Variants in MYO7A observed in about 807,000 individuals in gnomAD.
MYO7A encodes myosin VIIA.
In MYO7A, 210 loss-of-function variants were observed where a neutral mutation model predicts 263.8. That is an observed-to-expected ratio of 0.80 (90% CI 0.71 to 0.89). The LOEUF is 0.89. Ranked by LOEUF, MYO7A falls within the 40% of genes least tolerant of loss-of-function variation. MYO7A has a pLI of 0.00. For synonymous variants in MYO7A, 1,239 were observed against 1,197.3 expected (o/e 1.03, Z -0.72); for missense variants, 2,820 against 2,968.3 (o/e 0.95, Z 1.16).
intron 27 of MYO7A, 190 bp downstream of exon 27, chr11:77,184,905 G>C: frequency 1.0e-6 from 1 of 1,004,350 alleles, no homozygotes; most frequent in South Asian, 1.4e-5. Flanking sequence ...TCTGTAAAGG[G>C]GGAATCCTAA....
intron 4 of MYO7A, among the ~76,000 whole-genome samples, chr11:77,149,843 TTCCAGA>T (rs1329159864): frequency 3.3e-5 from 5 of 152,154 alleles, no homozygotes; most frequent in Non-Finnish European, 7.4e-5. Context: ...TGGGGGGCTC[TTCCAGA>T]TGTCATCAGC....
At chr11:77,173,663 C>T (rs1000246671) in intron 16 of MYO7A, among the ~76,000 whole-genome samples, 1 of 152,228 alleles carries the variant, frequency 6.6e-6, no homozygotes, top group South Asian at 2.1e-4. Context: ...AAGCTGGGGC[C>T]TCGGGATCTG....
chr11:77,196,184 T>C (rs995910579), intron 32 of MYO7A, among the ~76,000 whole-genome samples: 2 of 152,196 alleles, frequency 1.3e-5, no homozygotes, highest in Non-Finnish European at 2.9e-5. Context: ...CTGGCCAACA[T>C]GGCAAAACCC....
chr11:77,177,661 C>T lies in MYO7A; in HGVS notation c.2282+18C>T. On this transcript the variant is annotated intron_variant, in intron 19 of 48. Coordinates refer to ENST00000409709, the MANE Select transcript of MYO7A (RefSeq NM_000260.4). ...AAAGACAGGTGCGTGTTCCCACCAG[C>T]TCCTCCCCTCCTCAGCCCACATACA... 1 of 1,580,968 alleles carries T rather than the reference C, an allele frequency of 6.3e-7. No individual in the cohort carries two copies. Among genetic ancestry groups the T allele is most frequent in the South Asian group, 1.1e-5 (1 of 87,256 alleles).
rs782181360 is a variant in MYO7A at position 77,138,959 on chromosome 11, C to T, written c.19-3750C>T. Among the ~76,000 whole-genome samples the T allele has an allele frequency of 2.2e-4, 33 of 152,242 alleles. No homozygotes were observed. The highest frequency in any genetic ancestry group is 7.9e-4 in the Admixed American group (12 of 15,286). ...TTTTCACTCCACAAACAGGGACTGGCCCCAGGCCTGGTCCCAGAGGAAGGA... is the reference window on the plus strand; with the variant it reads ...TTTTCACTCCACAAACAGGGACTGGTCCCAGGCCTGGTCCCAGAGGAAGGA... On this transcript the variant is annotated intron_variant, in intron 2 of 48. Transcript: ENST00000409709. The surrounding 1 kb of genome is among the most constrained non-coding windows in gnomAD (Gnocchi z 4.9).
intron 18 of MYO7A, among the ~76,000 whole-genome samples, chr11:77,177,129 G>A (rs2076969): frequency 0.45 from 68,719 of 151,956 alleles, 15,896 homozygotes; most frequent in Non-Finnish European, 0.47. Context: ...AGGGAGCCAG[G>A]AGGCCGCGAG....
chr11:77,162,307 G>A lies in MYO7A; in HGVS notation c.1531G>A (p.Asp511Asn), dbSNP rs1953076786. ...GCCCATGAACATCATCTCCCTCATCGATGAGGAGAGCAAGTTCCCCAAGGT... is the reference window on the plus strand; with the variant it reads ...GCCCATGAACATCATCTCCCTCATCAATGAGGAGAGCAAGTTCCCCAAGGT... The part of the protein sequence containing the change: ...NKPMNIISLI[D>N]EESKFPKGTD... The change falls in exon 13 of 49, where the codon GAT (aspartate) becomes AAT (asparagine). Residue 511 changes from aspartate (D) to asparagine (N), a missense_variant. By Grantham distance (23) the Asp-to-Asn change is conservative. Coordinates refer to ENST00000409709, the MANE Select transcript of MYO7A (RefSeq NM_000260.4). 3.9e-6 allele frequency: 6 copies of A among 1,551,846 alleles called. No individual in the cohort carries two copies. Among genetic ancestry groups the A allele is most frequent in the East Asian group, 2.4e-5 (1 of 40,926 alleles).
intron 46 of MYO7A, chr11:77,212,595 G>A (rs1031298114): frequency 1.9e-4 from 73 of 382,534 alleles, no homozygotes; most frequent in Middle Eastern, 1.7e-3. Context: ...GAGAGGATAC[G>A]TATGGTCTTA....
In MYO7A at chr11:77,166,261, G is replaced by A; in HGVS notation, c.1797+99G>A. ...TCCAACAGCTTCAGCTGAGCCCCCT[G>A]GCCACATAATGGGTATGGAGCTTTG... is the stretch of plus-strand genomic sequence containing the variant. On this transcript the variant is annotated intron_variant, in intron 15 of 48. Transcript: ENST00000409709. The A allele has an allele frequency of 1.2e-5, 12 of 1,038,084 alleles. No homozygotes were observed. The South Asian group carries it at 1.5e-4, about 13-fold the overall frequency. The allele number at this position is 1,038,084 out of a possible 1,614,324, so 64.3% of individuals were successfully genotyped here.
chr11:77,157,477 C>T (rs1555064521), intron 8 of MYO7A, 85 bp downstream of exon 8: 4 of 896,672 alleles, frequency 4.5e-6, no homozygotes, highest in Non-Finnish European at 6.9e-6. Flanking sequence ...GCCTTGAGGT[C>T]TCACTGGTCA....
At chr11:77,196,812 A>G (rs1320867567) in intron 32 of MYO7A, among the ~76,000 whole-genome samples, 1 of 152,034 alleles carries the variant, frequency 6.6e-6, no homozygotes, top group Non-Finnish European at 1.5e-5. Flanking sequence ...TTCTATAAAA[A>G]CCAGGATTTC....
intron 4 of MYO7A, among the ~76,000 whole-genome samples, chr11:77,152,258 C>T (rs1054583599): frequency 6.6e-6 from 1 of 152,244 alleles, no homozygotes; most frequent in Non-Finnish European, 1.5e-5. Context: ...TAGCATCCCT[C>T]CCACGCTGTT....
intron 31 of MYO7A, among the ~76,000 whole-genome samples, chr11:77,193,565 T>G (rs569113264): frequency 6.6e-6 from 1 of 152,148 alleles, no homozygotes; most frequent in East Asian, 1.9e-4. Context: ...GTGGTAGTTT[T>G]GTTGGTGATA....
intron 44 of MYO7A, among the ~76,000 whole-genome samples, chr11:77,210,632 G>C (rs1222375270): frequency 6.6e-6 from 1 of 152,198 alleles, no homozygotes; most frequent in East Asian, 1.9e-4. Context: ...CCCTTCAGAG[G>C]CTTCATCTCT....
In MYO7A at chr11:77,146,571, G is replaced by T. The variant is rs190160675; in HGVS notation, c.133-1227G>T. ...TGACCTGTTGGACTGGGGTGGTGGT[G>T]GGGGGAGCTGATGTCCAGATTCCTG... On this transcript the variant is annotated intron_variant, in intron 3 of 48. Coordinates refer to ENST00000409709, the MANE Select transcript of MYO7A (RefSeq NM_000260.4). 4.1e-4 allele frequency among the ~76,000 whole-genome samples: 63 copies of T among 152,240 alleles called. No individual in the cohort carries two copies. The East Asian group carries it at 7.7e-3, about 19-fold the overall frequency.
At chr11:77,195,239 C>T (rs994911521) in intron 32 of MYO7A, among the ~76,000 whole-genome samples, 1 of 152,168 alleles carries the variant, frequency 6.6e-6, no homozygotes, top group African/African-American at 2.4e-5. Context: ...GGTCAGCTCC[C>T]CGCCAGCCTC....
At chr11:77,214,092 G>T in intron 48 of MYO7A, 113 bp downstream of exon 48, 1 of 1,457,054 alleles carries the variant, frequency 6.9e-7, no homozygotes, top group Non-Finnish European at 9.4e-7. Context: ...GGGGTCGTGG[G>T]CAAGGGTCAT....
chr11:77,173,984 C>CAAT (rs1359342448), intron 16 of MYO7A, among the ~76,000 whole-genome samples: 1 of 152,014 alleles, frequency 6.6e-6, no homozygotes, highest in Non-Finnish European at 1.5e-5. Flanking sequence ...TGGGCCTTGG[C>CAAT]AATAGCCTCC....
intron 34 of MYO7A, among the ~76,000 whole-genome samples, 161 bp downstream of exon 34, chr11:77,198,782 A>G (rs1591455817): frequency 6.6e-6 from 1 of 152,144 alleles, no homozygotes; most frequent in Non-Finnish European, 1.5e-5. Flanking sequence ...GGCACCTCCT[A>G]GTGGAGGGAT....
Sources: allele counts gnomAD v4.1 joint callset (sites outside exome capture counted in the v4.1 genomes callset), GRCh38; gene constraint gnomAD v4.1.1; non-coding constraint Gnocchi (gnomAD v3.1); transcripts MANE v1.5; gene names NCBI Gene and HGNC (gene_info 2026-07-23, HGNC 2026-07-21).